Variants in ITGA2 observed in about 807,000 individuals in gnomAD.
The protein encoded by ITGA2 is integrin subunit alpha 2.
Under a neutral mutation model 146.3 loss-of-function variants are expected in ITGA2, and 101 were observed. The ratio of observed to expected loss-of-function variants is 0.69; its 90% CI spans 0.59 to 0.81. The LOEUF (loss-of-function observed/expected upper bound fraction) is 0.81, where lower values mean the gene tolerates loss of function less well. ITGA2 is among the 40% of genes least tolerant of loss of function. The pLI is 0.00. For synonymous variants in ITGA2, 477 were observed against 487.1 expected (o/e 0.98, Z 0.27); for missense variants, 1,281 against 1,402.7 (o/e 0.91, Z 1.39).
chr5:53,072,753 C>A lies in ITGA2; in HGVS notation c.2429+58C>A, dbSNP rs1745461880. ...TAGAAATAAAAGACATACTAGATTA[C>A]TTTATTCAAACGAATGTTTATAGAG... On this transcript the variant is annotated intron_variant, in intron 19 of 29. Coordinates refer to ENST00000296585, the MANE Select transcript of ITGA2 (RefSeq NM_002203.4). 5.2e-6 allele frequency: 7 copies of A among 1,338,512 alleles called. No homozygotes were observed. In the East Asian group the frequency reaches 1.4e-4, roughly 27 times the overall value. The allele number at this position is 1,338,512 out of a possible 1,614,324, so 82.9% of individuals were successfully genotyped here. A position where few individuals can be genotyped will look rare whatever the true frequency, so the allele number is the denominator to read the frequency against.
At chr5:53,040,753 G>C (rs903798027) in intron 2 of ITGA2, among the ~76,000 whole-genome samples, 2 of 152,084 alleles carry the variant, frequency 1.3e-5, no homozygotes, top group African/African-American at 4.8e-5. Flanking sequence ...ACTTATTAAT[G>C]AACTATTAAC....
Position 53,059,747 on chromosome 5 carries a change from A to G in ITGA2, c.1174-127A>G. 5 of 905,070 alleles carry G rather than the reference A, an allele frequency of 5.5e-6. No homozygotes were observed. The South Asian group carries it at 5.8e-5, about 10-fold the overall frequency. 56.1% of individuals were successfully genotyped at this position (905,070 alleles called of 1,614,324 possible). Reference sequence around the variant, plus strand: ...TAAGACAATTCTACAATATGTCAATATATGTTCATATATATTTCATCATTT... The same window carrying G: ...TAAGACAATTCTACAATATGTCAATGTATGTTCATATATATTTCATCATTT... On this transcript the variant is annotated intron_variant, in intron 10 of 29. Coordinates refer to ENST00000296585, the MANE Select transcript of ITGA2 (RefSeq NM_002203.4).
At chr5:53,014,190 G>A (rs1742292639) in intron 1 of ITGA2, among the ~76,000 whole-genome samples, 1 of 152,092 alleles carries the variant, frequency 6.6e-6, no homozygotes, top group African/African-American at 2.4e-5. Context: ...TTCTCTAAGG[G>A]AATGCTTCCC....
intron 1 of ITGA2, among the ~76,000 whole-genome samples, chr5:52,989,768 C>G (rs888038701): frequency 1.5e-4 from 23 of 152,096 alleles, no homozygotes; most frequent in Admixed American, 1.2e-3. Flanking sequence ...CTGTTAAGCA[C>G]CCTCCAAAGT....
chr5:53,046,156 CT>C (rs1274165638), intron 4 of ITGA2, among the ~76,000 whole-genome samples: 1 of 144,982 alleles, frequency 6.9e-6, no homozygotes, highest in East Asian at 2.0e-4. Flanking sequence ...GATCGTGCCA[CT>C]GCACTCCAGC....
chr5:53,001,974 G>T (rs1741605442), intron 1 of ITGA2, among the ~76,000 whole-genome samples: 1 of 152,102 alleles, frequency 6.6e-6, no homozygotes, highest in Admixed American at 6.5e-5. Flanking sequence ...TTCAGTGGGA[G>T]AGTTGGTTAA....
At chr5:53,070,593 A>G (rs1434976842) in intron 17 of ITGA2, among the ~76,000 whole-genome samples, 2 of 151,942 alleles carry the variant, frequency 1.3e-5, no homozygotes, top group Non-Finnish European at 2.9e-5. Context: ...ATATTTTCCT[A>G]TCAGGGAAAA....
At chr5:53,004,689 A>G (rs901557747) in intron 1 of ITGA2, among the ~76,000 whole-genome samples, 1 of 152,110 alleles carries the variant, frequency 6.6e-6, no homozygotes, top group African/African-American at 2.4e-5. Context: ...AGAAAATTGC[A>G]TCTTTCTTTT....
intron 28 of ITGA2, among the ~76,000 whole-genome samples, chr5:53,088,509 A>G (rs965360126): frequency 3.3e-5 from 5 of 152,052 alleles, no homozygotes; most frequent in African/African-American, 1.2e-4. Context: ...AACATAGTGA[A>G]AACCTGTCTC....
chr5:53,006,594 C>T (rs1382659135), intron 1 of ITGA2, among the ~76,000 whole-genome samples: 2 of 152,142 alleles, frequency 1.3e-5, no homozygotes, highest in African/African-American at 4.8e-5. Flanking sequence ...AGTGTTTATT[C>T]AGTAATTATT....
chr5:53,088,321 C>T (rs1740215544), intron 28 of ITGA2, among the ~76,000 whole-genome samples: 1 of 152,014 alleles, frequency 6.6e-6, no homozygotes, highest in Non-Finnish European at 1.5e-5. Flanking sequence ...TTATTGGTTT[C>T]CTCTGAGCAA....
At chr5:53,017,027 T>A (rs1742428670) in intron 1 of ITGA2, among the ~76,000 whole-genome samples, 1 of 152,220 alleles carries the variant, frequency 6.6e-6, no homozygotes, top group African/African-American at 2.4e-5. Flanking sequence ...GGTTTTGACT[T>A]TTTCTCCTGA....
intron 8 of ITGA2, 106 bp from the exon 9 acceptor site, chr5:53,055,878 G>A (rs1010447593): frequency 1.5e-5 from 19 of 1,299,938 alleles, no homozygotes; most frequent in Non-Finnish European, 2.0e-5. Context: ...AATGTTGCTT[G>A]ATTTACTTTT....
chr5:53,050,014 C>T (rs887064788), intron 6 of ITGA2, among the ~76,000 whole-genome samples: 12 of 152,140 alleles, frequency 7.9e-5, no homozygotes, highest in East Asian at 1.9e-4. Flanking sequence ...GGAAATTTCC[C>T]TGTGGGCATT....
At chr5:53,061,443 T>G (rs1422085943) in intron 12 of ITGA2, among the ~76,000 whole-genome samples, 1 of 151,896 alleles carries the variant, frequency 6.6e-6, no homozygotes, top group Non-Finnish European at 1.5e-5. Flanking sequence ...AAGCACACAC[T>G]AGGAACAAGG....
rs1248273669 is a variant in ITGA2, at chr5:53,091,743, C to T, written c.*1144C>T. On this transcript the variant is annotated 3_prime_UTR_variant, in exon 30 of 30. Coordinates refer to ENST00000296585, the MANE Select transcript of ITGA2 (RefSeq NM_002203.4). ...TGCATGAATTACTGTATATAAACTC[C>T]TTAACTTCAGGGAGCTATTTTCATT... 1 of 152,192 alleles carries T rather than the reference C, an allele frequency of 6.6e-6. No homozygotes were observed. The highest frequency in any genetic ancestry group is 1.5e-5 in the Non-Finnish European group (1 of 68,038). The allele number at this position is 152,192 out of a possible 1,614,324, so 9.4% of individuals were successfully genotyped here.
chr5:53,000,987 C>T (rs1741557239), intron 1 of ITGA2, among the ~76,000 whole-genome samples: 1 of 146,856 alleles, frequency 6.8e-6, no homozygotes, highest in Non-Finnish European at 1.5e-5. Flanking sequence ...CTGCAACTTC[C>T]AACTCCCGGG....
At chr5:52,989,913 A>G (rs1215497853) in intron 1 of ITGA2, among the ~76,000 whole-genome samples, 2 of 151,326 alleles carry the variant, frequency 1.3e-5, no homozygotes, top group African/African-American at 4.9e-5. Context: ...CCTGCAGCCC[A>G]ACTTCCCCTG....
rs1248502014 is a variant in ITGA2 at position 52,989,539 on chromosome 5, G to A, written c.64+7G>A. ...GTGTTAGCGCTCAGTCAAGGTAAGC[G>A]GGGATTTCGCTCTGCATCGGCTGCA... On this transcript the variant is annotated splice_region_variant and intron_variant, in intron 1 of 29. Transcript: ENST00000296585. The A allele has an allele frequency of 1.9e-6, 3 of 1,613,936 alleles. No individual in the cohort carries two copies. The African/African-American group carries it at 4.0e-5, about 22-fold the overall frequency.
Sources: gnomAD v4.1 joint callset for allele counts (sites outside exome capture counted in the v4.1 genomes callset) on GRCh38, gnomAD v4.1.1 for gene constraint, MANE v1.5 for transcripts, NCBI Gene and HGNC (gene_info 2026-07-23, HGNC 2026-07-21) for gene names.